The following ATG10 variants were observed in gnomAD, a reference collection of about 807,000 sequenced individuals.
ATG10 encodes the protein autophagy related 10.
Under a neutral mutation model 32.1 loss-of-function variants are expected in ATG10, and 30 were observed. That is an observed-to-expected ratio of 0.94 (90% CI 0.70 to 1.27). ATG10 has a LOEUF of 1.27. ATG10 is among the 50% of genes most tolerant of loss of function. The probability of loss-of-function intolerance (pLI) is 0.00; values close to 1 mark genes in which losing one functional copy is unlikely to be tolerated. For missense variants in ATG10, 233 were observed against 262.3 expected (o/e 0.89, Z 0.77); for synonymous variants, 87 against 91.5 (o/e 0.95, Z 0.28).
At chr5:82,050,836 T>C (rs975653923) in intron 2 of ATG10, among the ~76,000 whole-genome samples, 1 of 75,218 alleles carries the variant, frequency 1.3e-5, no homozygotes, top group Admixed American at 2.3e-4. Flanking sequence ...ACCCCATCTC[T>C]ACCAAAAAAA....
chr5:82,043,557 T>G (rs765434418), intron 2 of ATG10, among the ~76,000 whole-genome samples: 2 of 152,232 alleles, frequency 1.3e-5, no homozygotes, highest in Non-Finnish European at 2.9e-5. Flanking sequence ...GGGCTGCAAA[T>G]TTTCCAAATT....
At position 82,203,344 on chromosome 5, in the gene ATG10, G is replaced by A. The variant is rs989582399; in HGVS notation, c.453+24757G>A. Among the ~76,000 whole-genome samples the A allele has an allele frequency of 2.0e-5, 3 of 152,138 alleles. No individual in the cohort carries two copies. In the East Asian group the frequency reaches 5.8e-4, roughly 29 times the overall value. On this transcript the variant is annotated intron_variant, in intron 5 of 7. Coordinates refer to ENST00000282185, the MANE Select transcript of ATG10 (RefSeq NM_031482.5). ...CCCTGCACAGTTCCACAGTGGGGCA[G>A]CCATTGGGTCAAAGCCAGGAAATAA...
At chr5:82,249,409 G>A (rs1747154435) in intron 5 of ATG10, among the ~76,000 whole-genome samples, 1 of 152,126 alleles carries the variant, frequency 6.6e-6, no homozygotes, top group Admixed American at 6.5e-5. Flanking sequence ...TTTTTAGATT[G>A]AAATTTGGCT....
At chr5:81,980,929 TAGAG>T (rs890896190) in intron 1 of ATG10, among the ~76,000 whole-genome samples, 60 of 152,290 alleles carry the variant, frequency 3.9e-4, no homozygotes, top group African/African-American at 1.3e-3. Context: ...GACCTAGTGA[TAGAG>T]AGGTCAGAGC....
In ATG10 at chr5:82,146,367, T is replaced by C. The variant is rs72776881; in HGVS notation, c.217-18032T>C. Among the ~76,000 whole-genome samples, 150 of 152,216 alleles carry C rather than the reference T, an allele frequency of 9.9e-4. 1 individual carries two copies. The highest frequency in any genetic ancestry group is 1.8e-3 in the Non-Finnish European group (121 of 67,998). On this transcript the variant is annotated intron_variant, in intron 3 of 7. Coordinates refer to ENST00000282185, the MANE Select transcript of ATG10 (RefSeq NM_031482.5). ...TTCAATATTTTCTCTTTAGTTGTGG[T>C]TTTCATTAGTTTGATTATGATGTGT...
intron 3 of ATG10, among the ~76,000 whole-genome samples, chr5:82,130,414 G>C (rs1437370936): frequency 6.6e-6 from 1 of 152,094 alleles, no homozygotes; most frequent in East Asian, 1.9e-4. Flanking sequence ...CCTGCAGCTA[G>C]CTCAGTGTCT....
chr5:82,027,839 A>G (rs925654483), intron 2 of ATG10, among the ~76,000 whole-genome samples: 3 of 152,222 alleles, frequency 2.0e-5, no homozygotes, highest in Admixed American at 1.3e-4. Context: ...TCCTCAGCCT[A>G]AATGCCTTAC....
chr5:82,231,040 C>T (rs1257063314), intron 5 of ATG10, among the ~76,000 whole-genome samples: 6 of 152,104 alleles, frequency 3.9e-5, no homozygotes, highest in African/African-American at 7.2e-5. Context: ...TCATGAACTT[C>T]GTTGAGTGTT....
chr5:82,093,831 G>A (rs1365637564), intron 3 of ATG10, among the ~76,000 whole-genome samples: 7 of 152,212 alleles, frequency 4.6e-5, no homozygotes, highest in Non-Finnish European at 1.5e-5. Context: ...TTTGTTAGGA[G>A]GGACCCAGCA....
chr5:82,174,436 G>A (rs748861783), intron 4 of ATG10, among the ~76,000 whole-genome samples: 6 of 152,106 alleles, frequency 3.9e-5, no homozygotes, highest in Non-Finnish European at 5.9e-5. Context: ...GGGAACTGCT[G>A]GTTTTGAAAC....
At chr5:82,076,857 C>T (rs567157833) in intron 3 of ATG10, among the ~76,000 whole-genome samples, 19 of 152,256 alleles carry the variant, frequency 1.2e-4, no homozygotes, top group Non-Finnish European at 2.6e-4. Context: ...CAGGTACATT[C>T]TGGTTGTTTA....
At position 82,253,429 on chromosome 5, in the gene ATG10, G is replaced by A. The variant is rs1321408623; in HGVS notation, c.*4G>A. The stretch of plus-strand genomic sequence containing the variant: ...GGATGAACGAAATGTCCCTTAACAA[G>A]GTAAAAGAAAAGCCTGGATTTAATG... On this transcript the variant is annotated splice_region_variant and 3_prime_UTR_variant, in exon 7 of 8. Transcript: ENST00000282185. The A allele has an allele frequency of 2.0e-6, 3 of 1,535,768 alleles. No homozygotes were observed. The highest frequency in any genetic ancestry group is 1.7e-4 in the Middle Eastern group (1 of 5,928).
chr5:81,987,630 T>C lies in ATG10; in HGVS notation c.60T>C (p.Ile20=). 6.2e-7 allele frequency: 1 copy of C among 1,613,246 alleles called. No individual in the cohort carries two copies. The highest frequency in any genetic ancestry group is 1.7e-5 in the Admixed American group (1 of 59,856). ...KTFQRYCAEF[I]KHSQQIGDSW... ...TCCAACGTTATTGTGCAGAATTCAT[T>C]AAACATTCACAACAGATAGGTGATA... The change falls in exon 2 of 8, where the codon ATT becomes ATC. Residue 20 remains isoleucine, a synonymous_variant. Coordinates refer to ENST00000282185, the MANE Select transcript of ATG10 (RefSeq NM_031482.5).
At chr5:82,123,264 C>T (rs1196920628) in intron 3 of ATG10, among the ~76,000 whole-genome samples, 1 of 152,100 alleles carries the variant, frequency 6.6e-6, no homozygotes, top group African/African-American at 2.4e-5. Context: ...AATGCAGGAA[C>T]AGAAAACCAA....
intron 2 of ATG10, among the ~76,000 whole-genome samples, chr5:81,988,168 ACT>A (rs1202491273): frequency 6.6e-6 from 1 of 152,114 alleles, no homozygotes; most frequent in Non-Finnish European, 1.5e-5. Flanking sequence ...AGATCATCTC[ACT>A]CTGTCCCCCA....
chr5:82,124,670 C>G (rs1379931098), intron 3 of ATG10, among the ~76,000 whole-genome samples: 2 of 151,948 alleles, frequency 1.3e-5, no homozygotes, highest in Non-Finnish European at 2.9e-5. Context: ...TGTGCCATGT[C>G]TTCTTTATCC....
chr5:82,091,930 T>G (rs1764900721), intron 3 of ATG10, among the ~76,000 whole-genome samples: 1 of 152,196 alleles, frequency 6.6e-6, no homozygotes. Context: ...TGAAAAAGTT[T>G]TCTGAATAAT....
chr5:82,135,722 A>G lies in ATG10; in HGVS notation c.217-28677A>G, dbSNP rs189532399. ...TGATTTGGGGTGGAGAGTTCTGTAGATGTCTATTAGGTCCACTTGGTCCAG... is the reference window on the plus strand; with the variant it reads ...TGATTTGGGGTGGAGAGTTCTGTAGGTGTCTATTAGGTCCACTTGGTCCAG... On this transcript the variant is annotated intron_variant, in intron 3 of 7. Transcript: ENST00000282185. Among the ~76,000 whole-genome samples the G allele has an allele frequency of 1.4e-3, 207 of 152,314 alleles. 2 individuals are homozygous for G. The highest frequency in any genetic ancestry group is 3.6e-3 in the Admixed American group (55 of 15,300).
At chr5:82,210,052 C>T (rs554704047) in intron 5 of ATG10, among the ~76,000 whole-genome samples, 33 of 152,162 alleles carry the variant, frequency 2.2e-4, no homozygotes, top group Non-Finnish European at 4.6e-4. Context: ...TACCAAAATT[C>T]TCAAGCTTGT....
Sources: gnomAD v4.1 joint callset for allele counts (sites outside exome capture counted in the v4.1 genomes callset) on GRCh38, gnomAD v4.1.1 for gene constraint, MANE v1.5 for transcripts, NCBI Gene and HGNC (gene_info 2026-07-23, HGNC 2026-07-21) for gene names.